Variants in WNT2 observed in about 807,000 individuals in gnomAD.
The protein encoded by WNT2 is Wnt family member 2.
A neutral mutation model predicts 36.9 loss-of-function variants in WNT2; 12 were observed. That is an observed-to-expected ratio of 0.33 (90% CI 0.21 to 0.53). The LOEUF (loss-of-function observed/expected upper bound fraction) is 0.53. WNT2 is among the 20% of genes least tolerant of loss of function. The probability of loss-of-function intolerance (pLI) is 0.95; values close to 1 mark genes in which losing one functional copy is unlikely to be tolerated. For synonymous variants in WNT2, 163 were observed against 174.6 expected (o/e 0.93, Z 0.52); for missense variants, 379 against 473.1 (o/e 0.80, Z 1.84).
Position 117,315,325 on chromosome 7 carries a change from A to G in WNT2, c.334T>C (p.Tyr112His). Residue 112 changes from tyrosine (Y) to histidine (H), a missense_variant, in exon 3 of 5, where the codon TAT (tyrosine) becomes CAT (histidine). Coordinates refer to ENST00000265441, the MANE Select transcript of WNT2 (RefSeq NM_003391.3). ...ACAACTCCAGCTGAGGAGATGGCAT[A>G]AACAAAGGCAGATTCCCGACTACCT... ...LRSSRESAFV[Y>H]AISSAGVVFA... 6.2e-7 allele frequency: 1 copy of G among 1,613,582 alleles called. No individual in the cohort carries two copies. Among genetic ancestry groups the G allele is most frequent in the Non-Finnish European group, 8.5e-7 (1 of 1,179,742 alleles).
chr7:117,304,481 G>A (rs1356251554), intron 3 of WNT2, among the ~76,000 whole-genome samples: 1 of 145,438 alleles, frequency 6.9e-6, no homozygotes, highest in African/African-American at 2.6e-5. Flanking sequence ...TTGTTGGCCA[G>A]GCTGGAGTGC....
rs985162691 is a variant in WNT2 at position 117,315,142 on chromosome 7, C to A, written c.517G>T (p.Asp173Tyr). Residue 173 changes from aspartate (D) to tyrosine (Y), a missense_variant, in exon 3 of 5, where the codon GAT (aspartate) becomes TAT (tyrosine). Asp to Tyr is a radical substitution (Grantham distance 160). Transcript: ENST00000265441. ...TCCTTTCCTTTCCTTTCCTTTGCAT[C>A]CACAAATGCGCGGGCAAATTTGATC... ...YGIKFARAFV[D>Y]AKERKGKDAR... is the part of the protein sequence containing the mutation. 22 of 1,614,052 alleles carry A rather than the reference C, an allele frequency of 1.4e-5. No individual in the cohort carries two copies. The highest frequency in any genetic ancestry group is 1.3e-5 in the African/African-American group (1 of 74,926).
At chr7:117,304,902 A>C (rs1204091087) in intron 3 of WNT2, among the ~76,000 whole-genome samples, 1 of 152,158 alleles carries the variant, frequency 6.6e-6, no homozygotes, top group Non-Finnish European at 1.5e-5. Context: ...CCCCTTACTC[A>C]TGTCTACCCA....
chr7:117,321,543 C>A (rs998140219), intron 1 of WNT2, among the ~76,000 whole-genome samples: 1 of 152,138 alleles, frequency 6.6e-6, no homozygotes, highest in Non-Finnish European at 1.5e-5. Context: ...CTCTATTAGT[C>A]GTGAAATGTT....
At chr7:117,278,692 T>C (rs1207812180) in intron 4 of WNT2, among the ~76,000 whole-genome samples, 1 of 152,210 alleles carries the variant, frequency 6.6e-6, no homozygotes, top group Non-Finnish European at 1.5e-5. Flanking sequence ...AGATTATCCT[T>C]ACCCAGCCTT....
At chr7:117,310,994 G>C (rs1795110374) in intron 3 of WNT2, among the ~76,000 whole-genome samples, 1 of 152,040 alleles carries the variant, frequency 6.6e-6, no homozygotes, top group East Asian at 1.9e-4. Context: ...TTTCCACATT[G>C]ATTTAGTACC....
intron 3 of WNT2, 132 bp from the exon 4 acceptor site, chr7:117,298,008 T>G: frequency 7.9e-7 from 1 of 1,271,926 alleles, no homozygotes; most frequent in East Asian, 2.4e-5. Context: ...TGGGAAATGT[T>G]GAAGCATTGC....
chr7:117,308,423 C>T (rs897147529), intron 3 of WNT2, among the ~76,000 whole-genome samples: 5 of 152,152 alleles, frequency 3.3e-5, no homozygotes, highest in African/African-American at 1.2e-4. Flanking sequence ...TTTCCACTAA[C>T]AATAGAACTT....
rs993920567 is a variant in WNT2, at chr7:117,291,903, G to A, written c.853+5709C>T. Among the ~76,000 whole-genome samples the A allele has an allele frequency of 9.9e-5, 15 of 151,928 alleles. No individual in the cohort carries two copies. The South Asian group carries it at 2.9e-3, about 30-fold the overall frequency. Reference sequence around the variant, plus strand: ...AGCAATTCTCCTGACTCAGCCTCCCGAGTAGCTGGGATTACAGGCATGCAC... The same window carrying A: ...AGCAATTCTCCTGACTCAGCCTCCCAAGTAGCTGGGATTACAGGCATGCAC... On this transcript the variant is annotated intron_variant, in intron 4 of 4. Coordinates refer to ENST00000265441, the MANE Select transcript of WNT2 (RefSeq NM_003391.3).
chr7:117,293,827 C>T (rs943960703), intron 4 of WNT2, among the ~76,000 whole-genome samples: 1 of 152,214 alleles, frequency 6.6e-6, no homozygotes, highest in Non-Finnish European at 1.5e-5. Flanking sequence ...AGATGATACA[C>T]TGACCCAACA....
chr7:117,306,277 G>C (rs953521348), intron 3 of WNT2, among the ~76,000 whole-genome samples: 3 of 152,100 alleles, frequency 2.0e-5, no homozygotes, highest in African/African-American at 2.4e-5. Context: ...TCACATTCTT[G>C]AGTCAGTTTG....
At chr7:117,281,041 G>C (rs2116323625) in intron 4 of WNT2, among the ~76,000 whole-genome samples, 1 of 152,300 alleles carries the variant, frequency 6.6e-6, no homozygotes, top group Non-Finnish European at 1.5e-5. Context: ...AGAGGAGGTA[G>C]CATTAGAGAT....
At chr7:117,297,466 A>G (rs10277181) in intron 4 of WNT2, 146 bp downstream of exon 4, 162,341 of 1,070,248 alleles carry the variant, frequency 0.15, 18,821 homozygotes, top group East Asian at 0.45. Context: ...CACCGCGCCC[A>G]GCCCTGTACA....
Position 117,322,831 on chromosome 7 carries a change from C to T in WNT2, c.83+76G>A. 6.7e-7 allele frequency: 1 copy of T among 1,483,972 alleles called. No individual in the cohort carries two copies. The allele number at this position is 1,483,972 out of a possible 1,614,324, so 91.9% of individuals were successfully genotyped here. On this transcript the variant is annotated intron_variant, in intron 1 of 4. Transcript: ENST00000265441. This position sits in a 1 kb window ranked among gnomAD's most constrained non-coding sequence, Gnocchi z 5.4. ...TGCTGCGGCCGCGGGGGAACGCAGC[C>T]AGGAAGGGTCTATGTGGCCAATGCG...
chr7:117,280,920 G>A (rs990689240), intron 4 of WNT2, among the ~76,000 whole-genome samples: 2 of 152,214 alleles, frequency 1.3e-5, no homozygotes, highest in African/African-American at 4.8e-5. Context: ...AAAAAATGAA[G>A]ATCCTGCCCT....
chr7:117,304,227 A>G (rs1268011858), intron 3 of WNT2, among the ~76,000 whole-genome samples: 4 of 152,160 alleles, frequency 2.6e-5, no homozygotes, highest in South Asian at 2.1e-4. Flanking sequence ...TTTGGCTTCT[A>G]ATGTTGCAGA....
chr7:117,313,995 G>A (rs574988581), intron 3 of WNT2, among the ~76,000 whole-genome samples: 6 of 152,194 alleles, frequency 3.9e-5, no homozygotes, highest in African/African-American at 1.4e-4. Context: ...TAGTAAAGGG[G>A]TTTTCATCCA....
At chr7:117,280,556 C>A (rs1794463017) in intron 4 of WNT2, among the ~76,000 whole-genome samples, 1 of 152,150 alleles carries the variant, frequency 6.6e-6, no homozygotes, top group African/African-American at 2.4e-5. Context: ...ACCCACAGTA[C>A]AGTCATGTGC....
chr7:117,307,324 A>G (rs1795033443), intron 3 of WNT2, among the ~76,000 whole-genome samples: 1 of 152,208 alleles, frequency 6.6e-6, no homozygotes, highest in Admixed American at 6.5e-5. Flanking sequence ...CGTAAGGTAT[A>G]TACTATTATT....
Sources: allele counts gnomAD v4.1 joint callset (sites outside exome capture counted in the v4.1 genomes callset), GRCh38; gene constraint gnomAD v4.1.1; non-coding constraint Gnocchi (gnomAD v3.1); transcripts MANE v1.5; gene names NCBI Gene and HGNC (gene_info 2026-07-23, HGNC 2026-07-21).